Variants in FZD3 observed in about 807,000 individuals in gnomAD.
FZD3 encodes frizzled-3.
A neutral mutation model predicts 60.7 loss-of-function variants in FZD3; 30 were observed. That is an observed-to-expected ratio of 0.49 (90% CI 0.37 to 0.67). The LOEUF is 0.67. Ranked by LOEUF, FZD3 falls within the 30% of genes least tolerant of loss-of-function variation. The pLI is 0.00. For synonymous variants in FZD3, 246 were observed against 275.2 expected (o/e 0.89, Z 1.05); for missense variants, 605 against 838.7 (o/e 0.72, Z 3.44).
rs1475447176 is a variant in FZD3 at position 28,545,138 on chromosome 8, C to A, written c.1405-6465C>A. 3.3e-5 allele frequency among the ~76,000 whole-genome samples: 5 copies of A among 152,180 alleles called. 1 individual carries two copies. The highest frequency in any genetic ancestry group is 7.3e-5 in the Non-Finnish European group (5 of 68,034). On this transcript the variant is annotated intron_variant, in intron 5 of 7. Transcript: ENST00000240093. ...GTTTCATTGTGAGTTATGGAGGGGACAAACATTCCAACCATATGTAGCAAC... is the reference window on the plus strand; with the variant it reads ...GTTTCATTGTGAGTTATGGAGGGGAAAAACATTCCAACCATATGTAGCAAC...
intron 7 of FZD3, among the ~76,000 whole-genome samples, chr8:28,558,016 G>A (rs1344623862): frequency 6.6e-6 from 1 of 152,222 alleles, no homozygotes; most frequent in East Asian, 1.9e-4. Flanking sequence ...GCAGTTGGGA[G>A]TTAAGGTAAC....
At chr8:28,525,300 A>T (rs115968064) in intron 4 of FZD3, among the ~76,000 whole-genome samples, 1 of 152,260 alleles carries the variant, frequency 6.6e-6, no homozygotes, top group African/African-American at 2.4e-5. Context: ...AGACAATGTC[A>T]GATGAAAATG....
rs1252851939 is a variant in FZD3, at chr8:28,568,861, T to C, written c.*5850T>C. ...CTGCCTCAGGAAATTCTTTCTTGAA[T>C]TTTTTTGTTGGTGTGAAAGCGTTGC... is the stretch of plus-strand genomic sequence containing the variant. On this transcript the variant is annotated 3_prime_UTR_variant, in exon 8 of 8. Coordinates refer to ENST00000240093, the MANE Select transcript of FZD3 (RefSeq NM_017412.4). 6.6e-6 allele frequency: 1 copy of C among 152,100 alleles called. No individual in the cohort carries two copies. The highest frequency in any genetic ancestry group is 1.9e-4 in the East Asian group (1 of 5,192). 9.4% of individuals were successfully genotyped at this position (152,100 alleles called of 1,614,324 possible).
intron 5 of FZD3, among the ~76,000 whole-genome samples, chr8:28,538,575 C>T (rs576720901): frequency 1.1e-4 from 17 of 152,202 alleles, no homozygotes; most frequent in Admixed American, 8.5e-4. Context: ...TCATTTTACA[C>T]CTCTTCATAT....
At chr8:28,548,757 A>G (rs1249717116) in intron 5 of FZD3, among the ~76,000 whole-genome samples, 1 of 152,136 alleles carries the variant, frequency 6.6e-6, no homozygotes. Flanking sequence ...TAATTCTCAT[A>G]TAACTCTTGG....
rs1246406937 is a variant in FZD3, at chr8:28,503,149, A to C, written c.136A>C (p.Met46Leu). Residue 46 changes from methionine to leucine, a missense_variant, in exon 3 of 8, where the codon ATG becomes CTG. Physicochemically the swap from Met to Leu is conservative, Grantham distance 15. Transcript: ENST00000240093. ...CQDLPYNTTFMPNLLNHYDQQ... is the reference protein window; with the variant it reads ...CQDLPYNTTFLPNLLNHYDQQ... ...AGATTTGCCTTATAATACTACCTTC[A>C]TGCCTAATCTTCTGAATCATTATGA... The C allele has an allele frequency of 1.2e-6, 2 of 1,613,480 alleles. No individual in the cohort carries two copies. Among genetic ancestry groups the C allele is most frequent in the Non-Finnish European group, 1.7e-6 (2 of 1,179,528 alleles).
chr8:28,519,362 A>T (rs1462400349), intron 3 of FZD3, among the ~76,000 whole-genome samples: 2 of 152,144 alleles, frequency 1.3e-5, no homozygotes, highest in Non-Finnish European at 2.9e-5. Context: ...TGGGGTTACT[A>T]TTTTTTTTCC....
intron 3 of FZD3, among the ~76,000 whole-genome samples, chr8:28,517,386 A>G (rs1804456771): frequency 6.6e-6 from 1 of 152,214 alleles, no homozygotes; most frequent in South Asian, 2.1e-4. Context: ...TCAACCGTTT[A>G]AATAAGATAC....
At position 28,527,702 on chromosome 8, in the gene FZD3, A is replaced by T. The variant is rs1435169347; in HGVS notation, c.942A>T (p.Ala314=). The part of the protein sequence containing the change: ...WVILTITWFL[A]AVPKWGSEAI... ...TTCTTACCATCACATGGTTTTTAGC[A>T]GCTGTGCCAAAGTGGGGTAGTGAAG... The change falls in exon 5 of 8, where the codon GCA becomes GCT. Residue 314 remains alanine (A), a synonymous_variant. Transcript: ENST00000240093. This position sits in a 1 kb window ranked among gnomAD's most constrained non-coding sequence, Gnocchi z 5.0. 6.2e-7 allele frequency: 1 copy of T among 1,613,984 alleles called. No homozygotes were observed. Among genetic ancestry groups the T allele is most frequent in the African/African-American group, 1.3e-5 (1 of 74,928 alleles).
At chr8:28,537,148 A>C (rs2130415342) in intron 5 of FZD3, among the ~76,000 whole-genome samples, 1 of 152,338 alleles carries the variant, frequency 6.6e-6, no homozygotes, top group South Asian at 2.1e-4. Context: ...AATATTCTAT[A>C]TCTCTTGTTT....
intron 6 of FZD3, among the ~76,000 whole-genome samples, chr8:28,554,042 G>A (rs1402472234): frequency 1.3e-5 from 2 of 152,202 alleles, no homozygotes; most frequent in Non-Finnish European, 2.9e-5. Context: ...TAACTACTTT[G>A]TTACACTGTG....
rs1330956586 is a variant in FZD3 at position 28,564,757 on chromosome 8, A to C, written c.*1746A>C. On this transcript the variant is annotated 3_prime_UTR_variant, in exon 8 of 8. Coordinates refer to ENST00000240093, the MANE Select transcript of FZD3 (RefSeq NM_017412.4). ...TCCAAGAATCATACTTTGAAGAATT[A>C]TTCTAGACTCTGAAGAGGCCTGGCT... 1 of 152,220 alleles carries C rather than the reference A, an allele frequency of 6.6e-6. No individual in the cohort carries two copies. Among genetic ancestry groups the C allele is most frequent in the Non-Finnish European group, 1.5e-5 (1 of 68,048 alleles). The allele number at this position is 152,220 out of a possible 1,614,324, so 9.4% of individuals were successfully genotyped here.
intron 3 of FZD3, among the ~76,000 whole-genome samples, chr8:28,510,021 A>G (rs993868313): frequency 2.0e-5 from 3 of 152,234 alleles, no homozygotes; most frequent in African/African-American, 4.8e-5. Context: ...TGTTTTCCAT[A>G]TGGTGGTACC....
chr8:28,498,002 A>G (rs1803887732), intron 1 of FZD3, among the ~76,000 whole-genome samples: 1 of 152,270 alleles, frequency 6.6e-6, no homozygotes, highest in African/African-American at 2.4e-5. Flanking sequence ...AACCTGATAA[A>G]TAATGGTTGG....
rs149835640 is a variant in FZD3, at chr8:28,504,189, A to G, written c.189+987A>G. On this transcript the variant is annotated intron_variant, in intron 3 of 7. Coordinates refer to ENST00000240093, the MANE Select transcript of FZD3 (RefSeq NM_017412.4). ...AAGAAAATTTGTAAGATTATTATTC[A>G]TAGATTTTGAAATAAGGAGGGCATC... 2.5e-3 allele frequency among the ~76,000 whole-genome samples: 384 copies of G among 152,326 alleles called. 1 individual carries two copies. Among genetic ancestry groups the G allele is most frequent in the African/African-American group, 8.9e-3 (370 of 41,578 alleles).
intron 2 of FZD3, among the ~76,000 whole-genome samples, chr8:28,501,274 T>C (rs1468428617): frequency 2.0e-5 from 3 of 152,198 alleles, no homozygotes; most frequent in African/African-American, 4.8e-5. Flanking sequence ...GAGGGAGAAA[T>C]TGGGAAGATT....
rs535869680 is a variant in FZD3 at position 28,570,794 on chromosome 8, T to G, written c.*7783T>G. The G allele has an allele frequency of 1.3e-5, 2 of 152,294 alleles. No individual in the cohort carries two copies. Among genetic ancestry groups the G allele is most frequent in the Middle Eastern group, 3.4e-3 (1 of 294 alleles). The allele number at this position is 152,294 out of a possible 1,614,324, so 9.4% of individuals were successfully genotyped here. A position where few individuals can be genotyped will look rare whatever the true frequency, so the allele number is the denominator to read the frequency against. On this transcript the variant is annotated 3_prime_UTR_variant, in exon 8 of 8. Transcript: ENST00000240093. ...TCTACATTAGCTCATATCAGTCTTT[T>G]GAACACTGGTTCAAATCTGGGTGTT...
intron 5 of FZD3, among the ~76,000 whole-genome samples, chr8:28,547,881 C>T (rs1378897348): frequency 1.3e-5 from 2 of 150,744 alleles, no homozygotes; most frequent in African/African-American, 4.9e-5. Context: ...GAGACGGAGC[C>T]TAGCTCTGTC....
At chr8:28,499,747 A>G (rs960708077) in intron 1 of FZD3, among the ~76,000 whole-genome samples, 186 bp from the exon 2 acceptor site, 28 of 152,036 alleles carry the variant, frequency 1.8e-4, no homozygotes, top group Non-Finnish European at 3.7e-4. Flanking sequence ...TGCATTTTTT[A>G]TTATTAGTGA....
Sources: gnomAD v4.1 joint callset for allele counts (sites outside exome capture counted in the v4.1 genomes callset) on GRCh38, gnomAD v4.1.1 for gene constraint, Gnocchi (gnomAD v3.1) non-coding constraint, MANE v1.5 for transcripts, NCBI Gene and HGNC (gene_info 2026-07-23, HGNC 2026-07-21) for gene names.